FAM171A1: variants seen among roughly 807,000 people sequenced by gnomAD.
FAM171A1 encodes the protein protein FAM171A1.
A neutral mutation model predicts 74.9 loss-of-function variants in FAM171A1; 23 were observed. That is an observed-to-expected ratio of 0.31 (90% CI 0.22 to 0.44). FAM171A1 has a LOEUF of 0.44. Among genes scored for constraint, FAM171A1 ranks in the 20% least tolerant of loss-of-function variants. FAM171A1 has a pLI of 1.00. For missense variants in FAM171A1, 1,162 were observed against 1,159.2 expected (o/e 1.00, Z -0.03); for synonymous variants, 527 against 505.7 (o/e 1.04, Z -0.57).
chr10:15,278,005 C>T (rs1834915994), intron 2 of FAM171A1, among the ~76,000 whole-genome samples: 2 of 152,260 alleles, frequency 1.3e-5, no homozygotes, highest in East Asian at 1.9e-4. Flanking sequence ...ATCTGCCCTC[C>T]TCGGCCTCCC....
intron 1 of FAM171A1, among the ~76,000 whole-genome samples, chr10:15,365,706 G>A (rs902690273): frequency 1.3e-5 from 2 of 151,242 alleles, no homozygotes; most frequent in African/African-American, 4.9e-5. Context: ...GGAGGCAGAG[G>A]TTGCAGTGAG....
At chr10:15,319,859 A>G (rs1385418235) in intron 1 of FAM171A1, among the ~76,000 whole-genome samples, 1 of 152,234 alleles carries the variant, frequency 6.6e-6, no homozygotes, top group Non-Finnish European at 1.5e-5. Context: ...AAGGTTTTGT[A>G]AAACTCTCCT....
chr10:15,229,903 C>T lies in FAM171A1; in HGVS notation c.755-8843G>A, dbSNP rs1049745574. On this transcript the variant is annotated intron_variant, in intron 5 of 7. Coordinates refer to ENST00000378116, the MANE Select transcript of FAM171A1 (RefSeq NM_001010924.2). ...ACCATCACCACCATCACCATCATCA[C>T]CATCACCACCATCACCAACATCATC... Among the ~76,000 whole-genome samples the T allele has an allele frequency of 6.1e-5, 5 of 81,364 alleles. 1 individual carries two copies. The highest frequency in any genetic ancestry group is 1.5e-4 in the African/African-American group (3 of 20,394). 53.4% of individuals were successfully genotyped at this position (81,364 alleles called of 152,430 possible).
chr10:15,283,997 C>A lies in FAM171A1; in HGVS notation c.206G>T (p.Gly69Val). Reference protein sequence around the residue: ...NQASIASGTSGTDGVAFIKFQ... With the variant: ...NQASIASGTSVTDGVAFIKFQ... ...CTTGATAAAGGCGACGCCATCAGTC[C>A]CCGAGGTGCCAGAGGCTATGGAGGC... Residue 69 changes from glycine (G) to valine (V), a missense_variant, in exon 2 of 8, where the codon GGG (glycine) becomes GTG (valine). Gly to Val is a moderately radical substitution (Grantham distance 109). Coordinates refer to ENST00000378116, the MANE Select transcript of FAM171A1 (RefSeq NM_001010924.2). 4 of 1,614,170 alleles carry A rather than the reference C, an allele frequency of 2.5e-6. No homozygotes were observed. Among genetic ancestry groups the A allele is most frequent in the Non-Finnish European group, 3.4e-6 (4 of 1,180,030 alleles).
At chr10:15,299,116 G>A (rs1281943370) in intron 1 of FAM171A1, among the ~76,000 whole-genome samples, 4 of 151,838 alleles carry the variant, frequency 2.6e-5, no homozygotes, top group African/African-American at 9.7e-5. Flanking sequence ...ACAGGGTTTC[G>A]CCACGTTGGC....
intron 6 of FAM171A1, 151 bp from the exon 7 acceptor site, chr10:15,216,261 G>T: frequency 2.0e-6 from 1 of 507,534 alleles, no homozygotes; most frequent in Non-Finnish European, 3.5e-6. Context: ...CATGCACTTG[G>T]GGTACCACCA....
chr10:15,216,715 G>A (rs1371584046), intron 6 of FAM171A1, among the ~76,000 whole-genome samples: 3 of 151,938 alleles, frequency 2.0e-5, no homozygotes, highest in Admixed American at 1.3e-4. Flanking sequence ...TTATAGGCAT[G>A]AGCCACTGTG....
At chr10:15,258,592 C>T (rs950008054) in intron 3 of FAM171A1, among the ~76,000 whole-genome samples, 1 of 152,182 alleles carries the variant, frequency 6.6e-6, no homozygotes, top group African/African-American at 2.4e-5. Flanking sequence ...TGTCCTTCCA[C>T]CAAGCTCCAG....
chr10:15,224,112 C>T (rs982774804), intron 5 of FAM171A1, among the ~76,000 whole-genome samples: 2 of 152,112 alleles, frequency 1.3e-5, no homozygotes, highest in Non-Finnish European at 2.9e-5. Flanking sequence ...AGGAAACACC[C>T]ACCTGGGGTG....
chr10:15,229,816 CCAT>C lies in FAM171A1; in HGVS notation c.755-8759_755-8757del, dbSNP rs1564616933. Among the ~76,000 whole-genome samples, 13 of 7,692 alleles carry C rather than the reference CCAT, an allele frequency of 1.7e-3. 2 individuals are homozygous for C. Among genetic ancestry groups the C allele is most frequent in the Non-Finnish European group, 3.1e-3 (11 of 3,602 alleles). The allele number at this position is 7,692 out of a possible 152,430, so 5.0% of individuals were successfully genotyped here. On this transcript the variant is annotated intron_variant, in intron 5 of 7. Transcript: ENST00000378116. ...ATCACCATCATCACCATCACCACCA[CCAT>C]CACCATCATCATCATCACCACCATC...
At chr10:15,252,915 C>T (rs1165618493) in intron 4 of FAM171A1, among the ~76,000 whole-genome samples, 1 of 152,200 alleles carries the variant, frequency 6.6e-6, no homozygotes, top group Non-Finnish European at 1.5e-5. Flanking sequence ...GTCCCGAGCA[C>T]GGAGGCTGTC....
At chr10:15,214,899 C>T (rs373482361) in intron 7 of FAM171A1, among the ~76,000 whole-genome samples, 162 of 151,998 alleles carry the variant, frequency 1.1e-3, no homozygotes, top group Non-Finnish European at 1.7e-3. Context: ...CAGCTGGCAC[C>T]GCAGGCACAT....
upstream of FAM171A1, among the ~76,000 whole-genome samples, chr10:15,373,212 A>G (rs940195685): frequency 6.6e-6 from 1 of 152,214 alleles, no homozygotes; most frequent in Non-Finnish European, 1.5e-5. Flanking sequence ...GCACCTGCAC[A>G]GGGTGGCAGG....
intron 1 of FAM171A1, among the ~76,000 whole-genome samples, chr10:15,287,339 A>G (rs1325325012): frequency 1.4e-5 from 2 of 147,496 alleles, no homozygotes; most frequent in Non-Finnish European, 3.0e-5. Context: ...TGATCTGCCC[A>G]CCTCAGCCTC....
chr10:15,236,108 A>G (rs977155287), intron 5 of FAM171A1, among the ~76,000 whole-genome samples: 1 of 152,154 alleles, frequency 6.6e-6, no homozygotes, highest in African/African-American at 2.4e-5. Context: ...GTTATTTGGA[A>G]GTTCAATCCC....
intron 1 of FAM171A1, among the ~76,000 whole-genome samples, chr10:15,288,168 C>T (rs867056356): frequency 2.0e-5 from 3 of 152,148 alleles, no homozygotes; most frequent in African/African-American, 7.2e-5. Context: ...CATTGACTGA[C>T]GGGCATTTGG....
chr10:15,258,030 C>T (rs1451760919), intron 3 of FAM171A1, among the ~76,000 whole-genome samples: 1 of 152,064 alleles, frequency 6.6e-6, no homozygotes. Context: ...GTCCCCGCTT[C>T]CTCTCGCTGC....
At chr10:15,270,818 GACTGTTAGAAGGAAAACTAACAAACAGAA>G (rs1834814322) in intron 3 of FAM171A1, among the ~76,000 whole-genome samples, 1 of 152,196 alleles carries the variant, frequency 6.6e-6, no homozygotes, top group Non-Finnish European at 1.5e-5. Flanking sequence ...TGAGGGTCCT[GACTGTTAGAAGGAAAACTAACAAACAGAA>G]AGGACATCCA....
chr10:15,368,028 G>C (rs2131895855), intron 1 of FAM171A1, among the ~76,000 whole-genome samples: 1 of 152,268 alleles, frequency 6.6e-6, no homozygotes, highest in East Asian at 1.9e-4. Flanking sequence ...AAATCAAAAT[G>C]GGTCAATACT....
Sources: gnomAD v4.1 joint callset for allele counts (sites outside exome capture counted in the v4.1 genomes callset) on GRCh38, gnomAD v4.1.1 for gene constraint, MANE v1.5 for transcripts, NCBI Gene and HGNC (gene_info 2026-07-23, HGNC 2026-07-21) for gene names.